The following DDO variants were observed in gnomAD, a reference collection of about 807,000 sequenced individuals.
The protein encoded by DDO is D-aspartate oxidase, DDO.
Under a neutral mutation model 16.8 loss-of-function variants are expected in DDO, and 16 were observed. That is an observed-to-expected ratio of 0.95 (90% CI 0.65 to 1.45). The LOEUF (loss-of-function observed/expected upper bound fraction) is 1.45. Among genes scored for constraint, DDO ranks in the 40% most tolerant of loss-of-function variants. The probability of loss-of-function intolerance (pLI) is 0.00; values close to 1 mark genes in which losing one functional copy is unlikely to be tolerated. For missense variants in DDO, 429 were observed against 420.3 expected (o/e 1.02, Z -0.18); for synonymous variants, 180 against 167.2 (o/e 1.08, Z -0.59).
chr6:110,412,216 T>C (rs1773882145), intron 2 of DDO, among the ~76,000 whole-genome samples: 1 of 150,890 alleles, frequency 6.6e-6, no homozygotes. Context: ...ATCGTGCCAC[T>C]GCACTCCAGC....
intron 4 of DDO, among the ~76,000 whole-genome samples, chr6:110,394,006 T>C (rs1197567949): frequency 6.6e-6 from 1 of 152,240 alleles, no homozygotes; most frequent in African/African-American, 2.4e-5. Flanking sequence ...ATAAAATTTA[T>C]CATTTTGACG....
chr6:110,393,384 T>A (rs374155157), intron 4 of DDO, 42 bp from the exon 5 acceptor site: 5 of 1,509,602 alleles, frequency 3.3e-6, no homozygotes, highest in Middle Eastern at 1.8e-4. Context: ...GTTAGCGACC[T>A]GATCAACTAC....
chr6:110,388,637 A>T (rs1773053546), downstream of DDO, among the ~76,000 whole-genome samples: 1 of 152,174 alleles, frequency 6.6e-6, no homozygotes, highest in South Asian at 2.1e-4. Context: ...TTAAAAAAAA[A>T]ATCCTAAAAC....
At chr6:110,406,880 T>C (rs571002254) in intron 3 of DDO, among the ~76,000 whole-genome samples, 201 of 152,362 alleles carry the variant, frequency 1.3e-3, no homozygotes, top group African/African-American at 4.7e-3. Flanking sequence ...CATAGCACCC[T>C]AGCCTCTTCC....
In DDO at chr6:110,393,022, G is replaced by A. The variant is rs374624312; in HGVS notation, c.779C>T (p.Ala260Val). Reference protein sequence around the residue: ...NSREILSRCCALEPSLHGACN... With the variant: ...NSREILSRCCVLEPSLHGACN... ...GGCTCCGTGGAGGGAGGGCTCCAGA[G>A]CACAGCATCGGGAAAGAATCTCTCT... The change falls in exon 5 of 5, where the codon GCT becomes GTT. Residue 260 changes from alanine (A) to valine (V), a missense_variant. By Grantham distance (64) the Ala-to-Val change is moderately conservative. Coordinates refer to ENST00000368924, the MANE Select transcript of DDO (RefSeq NM_001372108.2). 1.9e-6 allele frequency: 3 copies of A among 1,611,556 alleles called. No individual in the cohort carries two copies. Among genetic ancestry groups the A allele is most frequent in the East Asian group, 2.2e-5 (1 of 44,780 alleles).
rs768784974 is a variant in DDO, at chr6:110,413,322, T to G, written c.141A>C (p.Ala47=). ...AAGTGTGAGGAATAAGCATTCCGGCTGCCACATCACTGGTGGTATCTGGAG... is the reference window on the plus strand; with the variant it reads ...AAGTGTGAGGAATAAGCATTCCGGCGGCCACATCACTGGTGGTATCTGGAG... ...KFTPDTTSDV[A]AGMLIPHTYP... The change falls in exon 2 of 5, where the codon GCA becomes GCC. Residue 47 remains alanine, a synonymous_variant. Transcript: ENST00000368924. The G allele has an allele frequency of 4.3e-6, 7 of 1,614,090 alleles. No individual in the cohort carries two copies. The East Asian group carries it at 6.7e-5, about 15-fold the overall frequency.
intron 2 of DDO, among the ~76,000 whole-genome samples, chr6:110,412,658 G>A (rs1237707177): frequency 6.6e-6 from 1 of 152,254 alleles, no homozygotes; most frequent in African/African-American, 2.4e-5. Flanking sequence ...CTGGGCACAT[G>A]CGCTGATGAC....
chr6:110,407,536 AT>A (rs999752480), intron 3 of DDO, among the ~76,000 whole-genome samples: 3 of 152,252 alleles, frequency 2.0e-5, no homozygotes, highest in South Asian at 2.1e-4. Context: ...GATAAGACAC[AT>A]TTTTTCAGAA....
intron 1 of DDO, among the ~76,000 whole-genome samples, chr6:110,415,242 T>C (rs1774007177): frequency 6.6e-6 from 1 of 152,170 alleles, no homozygotes; most frequent in Non-Finnish European, 1.5e-5. Context: ...CAGCCTCCCA[T>C]GTCCAGCAAC....
At chr6:110,407,496 C>A (rs1271739264) in intron 3 of DDO, among the ~76,000 whole-genome samples, 3 of 151,972 alleles carry the variant, frequency 2.0e-5, no homozygotes, top group Non-Finnish European at 2.9e-5. Flanking sequence ...AGCAAAAAAC[C>A]CCAGTGGGCA....
intron 4 of DDO, among the ~76,000 whole-genome samples, chr6:110,396,394 G>A (rs192084087): frequency 9.2e-5 from 14 of 152,330 alleles, no homozygotes; most frequent in African/African-American, 3.4e-4. Flanking sequence ...TAGGAGGCAA[G>A]AAGAACTCAG....
rs137933272 is a variant in DDO, at chr6:110,393,311, G to A, written c.490C>T (p.Arg164Trp). The A allele has an allele frequency of 7.5e-6, 12 of 1,607,438 alleles. No individual in the cohort carries two copies. The African/African-American group carries it at 9.3e-5, about 13-fold the overall frequency. Reference sequence around the variant, plus strand: ...AGTTCCCACAGGTCTTCTATTCGCCGAGTGAGTGTCCAGCCTCCACTTCCC... The same window carrying A: ...AGTTCCCACAGGTCTTCTATTCGCCAAGTGAGTGTCCAGCCTCCACTTCCC... Reference protein sequence around the residue: ...IKGSGGWTLTRRIEDLWELHP... With the variant: ...IKGSGGWTLTWRIEDLWELHP... Residue 164 changes from arginine (R) to tryptophan (W), a missense_variant, in exon 5 of 5, where the codon CGG becomes TGG. By Grantham distance (101) the Arg-to-Trp change is moderately radical (BLOSUM62 -3). Coordinates refer to ENST00000368924, the MANE Select transcript of DDO (RefSeq NM_001372108.2).
At chr6:110,396,506 C>A (rs1773296184) in intron 4 of DDO, among the ~76,000 whole-genome samples, 1 of 152,118 alleles carries the variant, frequency 6.6e-6, no homozygotes, top group African/African-American at 2.4e-5. Flanking sequence ...AACCTAAATT[C>A]GGTTGCTTTT....
intron 4 of DDO, among the ~76,000 whole-genome samples, chr6:110,395,596 C>T (rs1056895418): frequency 6.6e-6 from 1 of 152,052 alleles, no homozygotes; most frequent in African/African-American, 2.4e-5. Context: ...ATCCTGCATG[C>T]CCCTAAGAGA....
intron 4 of DDO, among the ~76,000 whole-genome samples, chr6:110,397,616 A>G (rs1773331867): frequency 6.6e-6 from 1 of 152,230 alleles, no homozygotes; most frequent in Non-Finnish European, 1.5e-5. Context: ...TGATTATGCA[A>G]GAATTCAATA....
At chr6:110,403,669 C>T (rs538761716) in intron 4 of DDO, among the ~76,000 whole-genome samples, 1 of 152,190 alleles carries the variant, frequency 6.6e-6, no homozygotes, top group African/African-American at 2.4e-5. Context: ...GATTACGATG[C>T]CACTGACATG....
At chr6:110,413,062 G>A (rs984225109) in intron 2 of DDO, among the ~76,000 whole-genome samples, 1 of 152,254 alleles carries the variant, frequency 6.6e-6, no homozygotes, top group Non-Finnish European at 1.5e-5. Flanking sequence ...AGGATCACTT[G>A]AGCCTGGGAG....
rs371970089 is a variant in DDO at position 110,403,426 on chromosome 6, TA to T, written c.458+1347del. On this transcript the variant is annotated intron_variant, in intron 4 of 4. Transcript: ENST00000368924. ...CACTCAGGAAAGATGGTGATGCTGC[TA>T]AAATTTGCTTGTTGGCTGGTGGGCA... Among the ~76,000 whole-genome samples, 229 of 152,308 alleles carry T rather than the reference TA, an allele frequency of 1.5e-3. 1 individual carries two copies. The highest frequency in any genetic ancestry group is 5.1e-3 in the African/African-American group (210 of 41,566).
At chr6:110,408,105 G>T (rs1308877365) in intron 3 of DDO, among the ~76,000 whole-genome samples, 1 of 152,078 alleles carries the variant, frequency 6.6e-6, no homozygotes, top group South Asian at 2.1e-4. Flanking sequence ...AAAATCAATC[G>T]TATTTGTGAT....
Sources: gnomAD v4.1 joint callset for allele counts (sites outside exome capture counted in the v4.1 genomes callset) on GRCh38, gnomAD v4.1.1 for gene constraint, MANE v1.5 for transcripts, NCBI Gene and HGNC (gene_info 2026-07-23, HGNC 2026-07-21) for gene names.